The following DNAH3 variants were observed in gnomAD, a reference collection of about 807,000 sequenced individuals.
DNAH3 encodes the protein axonemal beta dynein heavy chain 3.
Under a neutral mutation model 432.5 loss-of-function variants are expected in DNAH3, and 332 were observed. That is an observed-to-expected ratio of 0.77 (90% confidence interval 0.70 to 0.84). The LOEUF (loss-of-function observed/expected upper bound fraction) is 0.84, where lower values mean the gene tolerates loss of function less well. Among genes scored for constraint, DNAH3 ranks in the 40% least tolerant of loss-of-function variants. The pLI, the probability that DNAH3 is intolerant of heterozygous loss-of-function variation, is 0.00. For synonymous variants in DNAH3, 1,956 were observed against 1,900.2 expected, an observed-to-expected ratio of 1.03 and a Z score of -0.76; for missense variants, 4,861 against 5,114.0, an observed-to-expected ratio of 0.95 and a Z score of 1.51.
intron 41 of DNAH3, among the ~76,000 whole-genome samples, chr16:21,011,541 T>C (rs1205202463): frequency 6.6e-6 from 1 of 151,962 alleles, no homozygotes; most frequent in Non-Finnish European, 1.5e-5. Context: ...TTGTATTTTT[T>C]GTAGAGACAG....
rs531116160 is a variant in DNAH3 at position 21,096,159 on chromosome 16, G to A, written c.2665+1196C>T. On this transcript the variant is annotated intron_variant, in intron 18 of 61. Transcript: ENST00000261383. ...ATTTTTTTTTTTTTTTTTGAGACAA[G>A]GTTTTGCTCTGATGCCCAAGTTGGG... Among the ~76,000 whole-genome samples the A allele has an allele frequency of 1.8e-3, 272 of 149,064 alleles. 1 individual carries two copies. The highest frequency in any genetic ancestry group is 6.5e-3 in the African/African-American group (259 of 40,062).
chr16:21,132,983 C>T (rs1413703919), intron 7 of DNAH3, among the ~76,000 whole-genome samples: 4 of 148,394 alleles, frequency 2.7e-5, no homozygotes, highest in Admixed American at 6.8e-5. Flanking sequence ...GACGGAGTTT[C>T]GCAAATTTAA....
At chr16:20,980,241 A>ATATAATATACATAATATAT (rs2085811772) in intron 49 of DNAH3, among the ~76,000 whole-genome samples, 1 of 97,818 alleles carries the variant, frequency 1.0e-5, no homozygotes. Flanking sequence ...TATATTATAT[A>ATATAATATACATAATATAT]TATAATATAC....
intron 25 of DNAH3, among the ~76,000 whole-genome samples, chr16:21,060,833 T>TTC (rs2090332176): frequency 6.8e-6 from 1 of 147,500 alleles, no homozygotes; most frequent in South Asian, 2.2e-4. Flanking sequence ...CTCTTCTTTT[T>TTC]TTTTTTTTTT....
chr16:20,951,986 G>A (rs2084337310), intron 56 of DNAH3, among the ~76,000 whole-genome samples: 3 of 149,692 alleles, frequency 2.0e-5, no homozygotes, highest in South Asian at 2.1e-4. Context: ...CTCGTGATCC[G>A]CCTGCCTCAG....
chr16:20,987,417 T>A (rs778091795), exon 47 of DNAH3: 1 of 1,614,200 alleles, frequency 6.2e-7, no homozygotes, highest in Non-Finnish European at 8.5e-7. Context: ...ATAAACCTCA[T>A]GGATCCAAAG....
chr16:21,128,704 A>AAG (rs2092492452), intron 7 of DNAH3, among the ~76,000 whole-genome samples: 1 of 150,642 alleles, frequency 6.6e-6, no homozygotes, highest in Non-Finnish European at 1.5e-5. Context: ...AAAAAAAAAA[A>AAG]ATAGACGCGC....
intron 51 of DNAH3, among the ~76,000 whole-genome samples, chr16:20,973,892 G>A (rs1202900591): frequency 1.3e-5 from 2 of 152,218 alleles, no homozygotes; most frequent in African/African-American, 4.8e-5. Context: ...AGAGGGAACA[G>A]CCAGTTCTTA....
chr16:20,955,563 G>A (rs1210185076), intron 54 of DNAH3, among the ~76,000 whole-genome samples: 1 of 151,840 alleles, frequency 6.6e-6, no homozygotes, highest in Non-Finnish European at 1.5e-5. Flanking sequence ...CCATCCCACA[G>A]TGCTGGGATT....
chr16:21,060,772 A>T (rs191949508), intron 25 of DNAH3, among the ~76,000 whole-genome samples: 86 of 145,176 alleles, frequency 5.9e-4, no homozygotes, highest in African/African-American at 2.0e-3. Context: ...TGATCTGCCC[A>T]CCTCGGCCTC....
At chr16:21,053,279 T>G (rs1297129170) in intron 28 of DNAH3, among the ~76,000 whole-genome samples, 2 of 152,196 alleles carry the variant, frequency 1.3e-5, no homozygotes, top group African/African-American at 4.8e-5. Flanking sequence ...CCAAGGAATT[T>G]AATTCCCCTC....
chr16:20,945,124 C>T (rs945015682), intron 57 of DNAH3, among the ~76,000 whole-genome samples: 8 of 152,182 alleles, frequency 5.3e-5, no homozygotes, highest in Non-Finnish European at 1.5e-5. Flanking sequence ...GTCACAAAGA[C>T]CTTGCTGATA....
intron 1 of DNAH3, among the ~76,000 whole-genome samples, chr16:21,148,312 G>C (rs1246798913): frequency 6.6e-6 from 1 of 152,132 alleles, no homozygotes; most frequent in Non-Finnish European, 1.5e-5. Context: ...ACAACCTCAT[G>C]AGATTTTTTT....
chr16:20,963,583 C>T, exon 53 of DNAH3: 3 of 1,613,996 alleles, frequency 1.9e-6, no homozygotes, highest in Non-Finnish European at 2.5e-6. Flanking sequence ...CTCCATCAGG[C>T]CATGCAGTTT....
chr16:21,117,419 C>T lies in DNAH3; in HGVS notation c.1700-102G>A, dbSNP rs557271043. 4 of 763,754 alleles carry T rather than the reference C, an allele frequency of 5.2e-6. No homozygotes were observed. In the African/African-American group the frequency reaches 5.3e-5, roughly 10 times the overall value. 47.3% of individuals were successfully genotyped at this position (763,754 alleles called of 1,614,324 possible). On this transcript the variant is annotated intron_variant, in intron 11 of 61. Coordinates refer to ENST00000261383, the Ensembl canonical transcript of DNAH3. ...CCCAAATGCAAAGCCTTCTCTAATG[C>T]ACTCATTTCCAGGGCTGCCAGCTGC...
In DNAH3 at chr16:20,966,014, ATTTTTTTTTTTTTTTT is replaced by A. The variant is rs555983378; in HGVS notation, c.8459-605_8459-590del. Among the ~76,000 whole-genome samples, 142 of 48,386 alleles carry A rather than the reference ATTTTTTTTTTTTTTTT, an allele frequency of 2.9e-3. 9 individuals carry two copies. Among genetic ancestry groups the A allele is most frequent in the African/African-American group, 0.01 (126 of 12,154 alleles). The allele number at this position is 48,386 out of a possible 152,430, so 31.7% of individuals were successfully genotyped here. A position where few individuals can be genotyped will look rare whatever the true frequency, so the allele number is the denominator to read the frequency against. ...AGGCCTGAGCCACCATGCCCAGCCA[ATTTTTTTTTTTTTTTT>A]TTTTTTTTTTTTTTTTTTTTTTTTG... On this transcript the variant is annotated intron_variant, in intron 52 of 61. Coordinates refer to ENST00000261383, the Ensembl canonical transcript of DNAH3.
intron 37 of DNAH3, 44 bp from the exon 38 acceptor site, chr16:21,027,171 A>G: frequency 7.1e-7 from 1 of 1,415,710 alleles, no homozygotes; most frequent in East Asian, 2.3e-5. Context: ...GAAAGGCTTA[A>G]ATTCCATCTG....
intron 3 of DNAH3, among the ~76,000 whole-genome samples, chr16:21,144,914 T>C (rs1352677221): frequency 1.3e-5 from 2 of 151,832 alleles, no homozygotes; most frequent in East Asian, 1.9e-4. Flanking sequence ...GGTCAGGAGT[T>C]TGAGACCAGC....
chr16:21,081,865 C>T (rs1227362123), intron 19 of DNAH3, 138 bp from the exon 20 acceptor site: 2 of 595,514 alleles, frequency 3.4e-6, no homozygotes, highest in South Asian at 2.9e-5. Context: ...CTGTTGAGCA[C>T]CAGAGATGTG....
Sources: gnomAD v4.1 joint callset for allele counts (sites outside exome capture counted in the v4.1 genomes callset) on GRCh38, gnomAD v4.1.1 for gene constraint, MANE v1.5 for transcripts, NCBI Gene and HGNC (gene_info 2026-07-23, HGNC 2026-07-21) for gene names.